The following DCLK1 variants were observed in gnomAD, a reference collection of about 807,000 sequenced individuals.
DCLK1 encodes the protein serine/threonine-protein kinase DCLK1.
In DCLK1, 16 loss-of-function variants were observed where a neutral mutation model predicts 86.2. The ratio of observed to expected loss-of-function variants is 0.19; its 90% confidence interval spans 0.13 to 0.28. The LOEUF (loss-of-function observed/expected upper bound fraction) is 0.28. Among genes scored for constraint, DCLK1 ranks in the 10% least tolerant of loss-of-function variants. DCLK1 has a pLI of 1.00. For synonymous variants in DCLK1, 369 were observed against 370.5 expected, an observed-to-expected ratio of 1.00 and a Z score of 0.05; for missense variants, 590 against 940.2, an observed-to-expected ratio of 0.63 and a Z score of 4.87.
chr13:35,943,523 A>C (rs1410000790), intron 4 of DCLK1, among the ~76,000 whole-genome samples: 1 of 152,198 alleles, frequency 6.6e-6, no homozygotes, highest in East Asian at 1.9e-4. Context: ...GTTGATAAAA[A>C]AACAGAATAA....
intron 4 of DCLK1, among the ~76,000 whole-genome samples, chr13:35,900,985 A>G (rs1430493005): frequency 6.6e-6 from 1 of 152,206 alleles, no homozygotes; most frequent in African/African-American, 2.4e-5. Flanking sequence ...GACTCAACAA[A>G]GTATTTTTTT....
At chr13:35,918,892 G>GTT (rs749567335) in intron 4 of DCLK1, among the ~76,000 whole-genome samples, 17,266 of 76,606 alleles carry the variant, frequency 0.23, 3,830 homozygotes, top group African/African-American at 0.38. Flanking sequence ...TTCTGAGTGT[G>GTT]TTTTTTTTTT....
chr13:35,829,478 T>A (rs1868771038), intron 8 of DCLK1, among the ~76,000 whole-genome samples: 1 of 152,202 alleles, frequency 6.6e-6, no homozygotes, highest in Non-Finnish European at 1.5e-5. Context: ...AAAATAGGAC[T>A]TTAAAATCTT....
chr13:35,848,864 A>G (rs1566565766), intron 6 of DCLK1: 2 of 985,280 alleles, frequency 2.0e-6, no homozygotes, highest in Non-Finnish European at 2.4e-6. Context: ...AGACATAACT[A>G]AAACAGACAC....
At chr13:35,810,750 G>C (rs953650615) in intron 12 of DCLK1, 85 bp downstream of exon 12, 12 of 1,509,676 alleles carry the variant, frequency 7.9e-6, no homozygotes, top group Non-Finnish European at 1.1e-5. Flanking sequence ...TGTCTGGATA[G>C]GGCACAGCAG....
Position 35,774,677 on chromosome 13 carries a change from C to G in DCLK1, c.2081G>C (p.Arg694Thr). 6.2e-7 allele frequency: 1 copy of G among 1,612,114 alleles called. No homozygotes were observed. Among genetic ancestry groups the G allele is most frequent in the Admixed American group, 1.7e-5 (1 of 59,782 alleles). ...GTTGCGTCTTCGTCGGAAAACCTGC[C>G]TCTCCTTATCAAGAGCGGTGGTCTA... ...VIATTALDKE[R>T]QVFRRRRNQD... Residue 694 changes from arginine (R) to threonine (T), a missense_variant, in exon 17 of 17, where the codon AGG (arginine) becomes ACG (threonine). Physicochemically the swap from Arg to Thr is moderately conservative, Grantham distance 71. Around this residue, in one of 6 missense-constraint regions of DCLK1, gnomAD observed 146 missense variants for 190.2 expected, o/e 0.77. Coordinates refer to ENST00000360631, the MANE Select transcript of DCLK1 (RefSeq NM_001330071.2).
chr13:35,987,836 G>C lies in DCLK1; in HGVS notation c.724-40379C>G, dbSNP rs535195304. 3.3e-5 allele frequency among the ~76,000 whole-genome samples: 5 copies of C among 152,270 alleles called. No homozygotes were observed. The East Asian group carries it at 7.8e-4, about 24-fold the overall frequency. On this transcript the variant is annotated intron_variant, in intron 3 of 16. Coordinates refer to ENST00000360631, the MANE Select transcript of DCLK1 (RefSeq NM_001330071.2). ...GTGCTCCAGAGGCCAGAAGCTTACAGTGTGAAGAGGTGCTTTCTTAACATA... is the reference window on the plus strand; with the variant it reads ...GTGCTCCAGAGGCCAGAAGCTTACACTGTGAAGAGGTGCTTTCTTAACATA...
intron 3 of DCLK1, among the ~76,000 whole-genome samples, chr13:35,978,203 C>CTTTTTTTTTTTTTTTTTTT (rs11311688): frequency 3.6e-5 from 3 of 82,758 alleles, no homozygotes; most frequent in African/African-American, 4.9e-5. Flanking sequence ...CTTTTCTTTT[C>CTTTTTTTTTTTTTTTTTTT]TTTTTTTTTT....
rs985011712 is a variant in DCLK1 at position 35,947,305 on chromosome 13, T to C, written c.823+53A>G. On this transcript the variant is annotated intron_variant, in intron 4 of 16. Transcript: ENST00000360631. ...CATAATCTTGGCCTGGTGCAGCTCATTTTCGAAAGCTGCCTCAAATTTCCC... is the reference window on the plus strand; with the variant it reads ...CATAATCTTGGCCTGGTGCAGCTCACTTTCGAAAGCTGCCTCAAATTTCCC... 7 of 1,501,002 alleles carry C rather than the reference T, an allele frequency of 4.7e-6. No homozygotes were observed. In the African/African-American group the frequency reaches 7.0e-5, roughly 15 times the overall value. 93.0% of individuals were successfully genotyped at this position (1,501,002 alleles called of 1,614,324 possible). A position where few individuals can be genotyped will look rare whatever the true frequency, so the allele number is the denominator to read the frequency against.
At chr13:35,957,940 C>CACT (rs1170059936) in intron 3 of DCLK1, among the ~76,000 whole-genome samples, 1 of 151,530 alleles carries the variant, frequency 6.6e-6, no homozygotes, top group Non-Finnish European at 1.5e-5. Context: ...TCACCACTAC[C>CACT]ACTACTACCA....
rs550426189 is a variant in DCLK1 at position 35,771,392 on chromosome 13, C to T, written c.*3143G>A. The T allele has an allele frequency of 6.6e-6, 1 of 151,990 alleles. No homozygotes were observed. Among genetic ancestry groups the T allele is most frequent in the Non-Finnish European group, 1.5e-5 (1 of 68,014 alleles). The allele number at this position is 151,990 out of a possible 1,614,324, so 9.4% of individuals were successfully genotyped here. A position where few individuals can be genotyped will look rare whatever the true frequency, so the allele number is the denominator to read the frequency against. ...TTTTCTCTGCTTATTTTAATATGCA[C>T]CACGTGTAAGTTAGATGAGGGCTAC... On this transcript the variant is annotated 3_prime_UTR_variant, in exon 17 of 17. Coordinates refer to ENST00000360631, the MANE Select transcript of DCLK1 (RefSeq NM_001330071.2).
intron 12 of DCLK1, among the ~76,000 whole-genome samples, chr13:35,809,967 A>C (rs771946686): frequency 3.3e-5 from 5 of 152,180 alleles, no homozygotes; most frequent in Non-Finnish European, 5.9e-5. Flanking sequence ...CCAGCTGTGG[A>C]CTGAAACTGC....
At chr13:35,829,861 A>G (rs1868808771) in intron 8 of DCLK1, among the ~76,000 whole-genome samples, 1 of 152,198 alleles carries the variant, frequency 6.6e-6, no homozygotes, top group Non-Finnish European at 1.5e-5. Context: ...GTCACTCAGG[A>G]AGGGAATGCA....
At chr13:35,847,887 T>C (rs1255162130) in intron 6 of DCLK1, 7 of 985,192 alleles carry the variant, frequency 7.1e-6, no homozygotes, top group African/African-American at 7.0e-5. Flanking sequence ...TGTCTAGATT[T>C]TTCCCCCTGC....
chr13:35,980,794 T>G (rs1879599718), intron 3 of DCLK1, among the ~76,000 whole-genome samples: 1 of 152,188 alleles, frequency 6.6e-6, no homozygotes, highest in African/African-American at 2.4e-5. Flanking sequence ...CACCTCTTGC[T>G]GTGCAGCCCA....
intron 6 of DCLK1, chr13:35,848,612 T>A (rs1870385362): frequency 1.0e-6 from 1 of 985,334 alleles, no homozygotes; most frequent in Non-Finnish European, 1.2e-6. Flanking sequence ...GGGCTCTATA[T>A]CAATTGGCAA....
At chr13:35,978,827 G>A (rs998767633) in intron 3 of DCLK1, among the ~76,000 whole-genome samples, 1 of 152,118 alleles carries the variant, frequency 6.6e-6, no homozygotes, top group Non-Finnish European at 1.5e-5. Context: ...AAATGACAAC[G>A]GCATGAATTA....
chr13:35,876,727 C>A (rs952878259), intron 4 of DCLK1, among the ~76,000 whole-genome samples: 1 of 152,200 alleles, frequency 6.6e-6, no homozygotes, highest in Admixed American at 6.5e-5. Context: ...GCAGTGCCTT[C>A]CATTCCCCCT....
At chr13:36,078,668 C>G (rs773906026) in intron 3 of DCLK1, among the ~76,000 whole-genome samples, 1 of 152,190 alleles carries the variant, frequency 6.6e-6, no homozygotes, top group African/African-American at 2.4e-5. Context: ...TGAAACACCA[C>G]CAGTTGCAGT....
Sources: gnomAD v4.1 joint callset for allele counts (sites outside exome capture counted in the v4.1 genomes callset) on GRCh38, gnomAD v4.1.1 for gene constraint, gnomAD v4.1.1 regional missense constraint, MANE v1.5 for transcripts, NCBI Gene and HGNC (gene_info 2026-07-23, HGNC 2026-07-21) for gene names.